Variants in MED13L observed in about 807,000 individuals in gnomAD.
MED13L encodes mediator of RNA polymerase II transcription subunit 13-like.
In MED13L, 7 loss-of-function variants were observed where a neutral mutation model predicts 220.9. The ratio of observed to expected loss-of-function variants is 0.03; its 90% CI spans 0.02 to 0.06. MED13L has a LOEUF of 0.06. MED13L is among the 10% of genes least tolerant of loss of function. The pLI is 1.00. For missense variants in MED13L, 1,965 were observed against 2,760.5 expected (o/e 0.71, Z 6.46); for synonymous variants, 1,011 against 1,015.2 (o/e 1.00, Z 0.08).
At chr12:116,274,280 G>A (rs1180288808) in intron 1 of MED13L, among the ~76,000 whole-genome samples, 3 of 152,022 alleles carry the variant, frequency 2.0e-5, no homozygotes, top group Non-Finnish European at 4.4e-5. Context: ...TCAACTTTTG[G>A]TAAGCCATAA....
At chr12:116,216,706 T>C (rs1444936907) in intron 2 of MED13L, among the ~76,000 whole-genome samples, 1 of 152,144 alleles carries the variant, frequency 6.6e-6, no homozygotes, top group African/African-American at 2.4e-5. Context: ...ATGCAGGAAA[T>C]TAAATCCACT....
chr12:116,016,143 ATATTATGGAT>A (rs1474655326), intron 7 of MED13L, among the ~76,000 whole-genome samples: 1 of 152,154 alleles, frequency 6.6e-6, no homozygotes, highest in Non-Finnish European at 1.5e-5. Context: ...TAGTAAGTAT[ATATTATGGAT>A]TTTCTTCTCA....
intron 1 of MED13L, among the ~76,000 whole-genome samples, chr12:116,239,746 G>A (rs935905777): frequency 1.3e-5 from 2 of 152,140 alleles, no homozygotes; most frequent in African/African-American, 4.8e-5. Context: ...CCACGTTACT[G>A]TTCAATTAAT....
At chr12:116,124,577 G>T (rs781382757) in intron 2 of MED13L, among the ~76,000 whole-genome samples, 4 of 151,406 alleles carry the variant, frequency 2.6e-5, no homozygotes, top group Non-Finnish European at 5.9e-5. Context: ...CTCCAAGACA[G>T]AAAAAAAACT....
chr12:116,262,185 G>A (rs1446123307), intron 1 of MED13L, among the ~76,000 whole-genome samples: 2 of 152,022 alleles, frequency 1.3e-5, no homozygotes, highest in Non-Finnish European at 2.9e-5. Context: ...TGTATGGTCT[G>A]TTATTGTATT....
chr12:116,015,105 T>C lies in MED13L; in HGVS notation c.1175+4A>G. The C allele has an allele frequency of 1.2e-6, 2 of 1,612,582 alleles. No homozygotes were observed. Among genetic ancestry groups the C allele is most frequent in the Non-Finnish European group, 1.7e-6 (2 of 1,178,718 alleles). ...ATGATCTAGACATAATCGAGAAAAC[T>C]TACTTGGACTGGGTTCTGTTGAGGA... On this transcript the variant is annotated splice_donor_region_variant and intron_variant, in intron 8 of 30. Transcript: ENST00000281928.
intron 2 of MED13L, among the ~76,000 whole-genome samples, chr12:116,235,382 C>T (rs990258228): frequency 3.9e-5 from 6 of 152,080 alleles, no homozygotes; most frequent in Non-Finnish European, 7.4e-5. Flanking sequence ...GAAAAGTAAT[C>T]ATTCCCAAGA....
chr12:116,075,003 G>A (rs762445717), intron 4 of MED13L, among the ~76,000 whole-genome samples: 24 of 152,226 alleles, frequency 1.6e-4, no homozygotes, highest in Non-Finnish European at 3.1e-4. Context: ...AGCCTAGAAG[G>A]CTCTACAGTG....
chr12:116,271,898 A>C (rs1873390540), intron 1 of MED13L, among the ~76,000 whole-genome samples: 1 of 151,820 alleles, frequency 6.6e-6, no homozygotes, highest in South Asian at 2.1e-4. Context: ...ATTCACTTTC[A>C]AAAAAAACAC....
At chr12:116,009,187 G>C (rs1879240640) in intron 9 of MED13L, 55 bp from the exon 10 acceptor site, 3 of 1,602,496 alleles carry the variant, frequency 1.9e-6, no homozygotes, top group Non-Finnish European at 1.7e-6. Flanking sequence ...GAGATTCTCT[G>C]ACAAAATTTT....
intron 4 of MED13L, among the ~76,000 whole-genome samples, chr12:116,051,480 C>T (rs1381775683): frequency 6.6e-6 from 1 of 152,182 alleles, no homozygotes; most frequent in African/African-American, 2.4e-5. Flanking sequence ...ATGTTGGCTA[C>T]AGATCATATG....
intron 2 of MED13L, among the ~76,000 whole-genome samples, chr12:116,119,974 A>G (rs186790014): frequency 1.3e-5 from 2 of 151,572 alleles, no homozygotes; most frequent in East Asian, 3.9e-4. Flanking sequence ...GTTACAAATA[A>G]TAAATATATT....
intron 4 of MED13L, among the ~76,000 whole-genome samples, chr12:116,072,450 G>GTTTTTGT (rs10664103): frequency 0.097 from 14,785 of 151,874 alleles, 1,393 homozygotes; most frequent in East Asian, 0.38. Context: ...TTACAATACA[G>GTTTTTGT]TTTTTGTTTT....
intron 2 of MED13L, among the ~76,000 whole-genome samples, chr12:116,229,483 C>T (rs1011033402): frequency 2.6e-5 from 4 of 151,870 alleles, no homozygotes; most frequent in Admixed American, 6.5e-5. Flanking sequence ...GAACATAAGC[C>T]CTTTACATGC....
intron 4 of MED13L, among the ~76,000 whole-genome samples, chr12:116,047,291 C>A (rs1301123189): frequency 6.6e-6 from 1 of 152,074 alleles, no homozygotes. Flanking sequence ...AAGGTCAAGG[C>A]AACAGTGAGC....
chr12:115,962,041 G>A (rs1875799629), intron 30 of MED13L, among the ~76,000 whole-genome samples: 1 of 152,022 alleles, frequency 6.6e-6, no homozygotes. Context: ...ATTGTTACAT[G>A]TTGAAATAAC....
chr12:116,041,916 C>T (rs985630909), intron 4 of MED13L, among the ~76,000 whole-genome samples: 7 of 152,074 alleles, frequency 4.6e-5, no homozygotes, highest in Non-Finnish European at 8.8e-5. Context: ...CCCAACATGA[C>T]AAATGAAAGA....
intron 16 of MED13L, among the ~76,000 whole-genome samples, 160 bp from the exon 17 acceptor site, chr12:115,992,117 G>T (rs1878104003): frequency 6.6e-6 from 1 of 151,068 alleles, no homozygotes; most frequent in East Asian, 1.9e-4. Context: ...AAAAAAAAAA[G>T]AAGATACAAA....
intron 3 of MED13L, among the ~76,000 whole-genome samples, chr12:116,102,504 A>G (rs1873140385): frequency 6.6e-6 from 1 of 152,120 alleles, no homozygotes. Flanking sequence ...TAAATTTTAC[A>G]TTACTTCATA....
Sources: gnomAD v4.1 joint callset for allele counts (sites outside exome capture counted in the v4.1 genomes callset) on GRCh38, gnomAD v4.1.1 for gene constraint, MANE v1.5 for transcripts, NCBI Gene and HGNC (gene_info 2026-07-23, HGNC 2026-07-21) for gene names.